Variants in NLK observed in about 807,000 individuals in gnomAD.
The protein encoded by NLK is serine/threonine-protein kinase NLK.
A neutral mutation model predicts 59.0 loss-of-function variants in NLK; 11 were observed. The observed-to-expected ratio is 0.19, with a 90% CI of 0.12 to 0.31. NLK has a LOEUF of 0.31. NLK is among the 10% of genes least tolerant of loss of function. The probability of loss-of-function intolerance (pLI) is 1.00; values close to 1 mark genes in which losing one functional copy is unlikely to be tolerated. For missense variants in NLK, 410 were observed against 661.1 expected, an observed-to-expected ratio of 0.62 and a Z score of 4.16; for synonymous variants, 235 against 235.9, an observed-to-expected ratio of 1.00 and a Z score of 0.03.
chr17:28,131,586 T>TAAAAAAAAAAAAAAAAAAAAAAAA (rs35804817), intron 2 of NLK, among the ~76,000 whole-genome samples: 1 of 83,718 alleles, frequency 1.2e-5, no homozygotes, highest in African/African-American at 4.7e-5. Context: ...TTCTCTGTAG[T>TAAAAAAAAAAAAAAAAAAAAAAAA]AAAAAAAAAA....
rs769959475 is a variant in NLK at position 28,132,614 on chromosome 17, T to C, written c.589-6T>C. ...CTAAATTTGACTTTTTTTTTCCTTT[T>C]CTCAGGTACTCTCTGCCCTTGACAT... On this transcript the variant is annotated splice_polypyrimidine_tract_variant and splice_region_variant and intron_variant, in intron 2 of 10. Transcript: ENST00000407008. 1 of 1,604,750 alleles carries C rather than the reference T, an allele frequency of 6.2e-7. No individual in the cohort carries two copies. The highest frequency in any genetic ancestry group is 8.5e-7 in the Non-Finnish European group (1 of 1,175,014).
the NLK span, among the ~76,000 whole-genome samples, chr17:28,203,638 G>A: frequency 6.6e-6 from 1 of 152,140 alleles, no homozygotes; most frequent in Non-Finnish European, 1.5e-5. Context: ...CTGGGTTCAA[G>A]TGACTCTCCT....
chr17:28,162,593 C>T (rs1341099245), intron 4 of NLK, among the ~76,000 whole-genome samples: 1 of 151,992 alleles, frequency 6.6e-6, no homozygotes, highest in African/African-American at 2.4e-5. Context: ...GCCAAGATCG[C>T]GTCACTGCAC....
At chr17:28,096,570 G>A (rs1174633016) in intron 1 of NLK, among the ~76,000 whole-genome samples, 1 of 152,084 alleles carries the variant, frequency 6.6e-6, no homozygotes, top group Non-Finnish European at 1.5e-5. Flanking sequence ...GAAGATTATG[G>A]GAACTTTAAT....
intron 1 of NLK, among the ~76,000 whole-genome samples, chr17:28,118,948 G>A (rs933455189): frequency 6.6e-6 from 1 of 152,094 alleles, no homozygotes; most frequent in African/African-American, 2.4e-5. Context: ...TCTTATTTAA[G>A]GCATCCAGTG....
chr17:28,085,372 C>G lies in NLK; in HGVS notation c.459-37231C>G, dbSNP rs532008755. Reference sequence around the variant, plus strand: ...TAAACTTAAACAAGCGAAGAAAGTACATACAGTCATGCACTGCATAATGAT... The same window carrying G: ...TAAACTTAAACAAGCGAAGAAAGTAGATACAGTCATGCACTGCATAATGAT... On this transcript the variant is annotated intron_variant, in intron 1 of 10. Coordinates refer to ENST00000407008, the MANE Select transcript of NLK (RefSeq NM_016231.5). Among the ~76,000 whole-genome samples, 7 of 152,300 alleles carry G rather than the reference C, an allele frequency of 4.6e-5. No homozygotes were observed. In the South Asian group the frequency reaches 1.5e-3, roughly 32 times the overall value.
intron 1 of NLK, among the ~76,000 whole-genome samples, chr17:28,103,882 C>G (rs1904985253): frequency 6.6e-6 from 1 of 152,310 alleles, no homozygotes; most frequent in Admixed American, 6.5e-5. Context: ...GTTGTATACA[C>G]TCACTCTATT....
chr17:28,182,901 T>A (rs1417614613), intron 7 of NLK, among the ~76,000 whole-genome samples: 1 of 152,250 alleles, frequency 6.6e-6, no homozygotes, highest in Non-Finnish European at 1.5e-5. Flanking sequence ...TTTTTTAAAC[T>A]CTCTTTTAAG....
At position 28,154,059 on chromosome 17, in the gene NLK, C is replaced by A. The variant is rs375304059; in HGVS notation, c.645-7101C>A. 4.9e-4 allele frequency among the ~76,000 whole-genome samples: 75 copies of A among 152,156 alleles called. 1 individual carries two copies. Among genetic ancestry groups the A allele is most frequent in the African/African-American group, 1.7e-3 (70 of 41,528 alleles). On this transcript the variant is annotated intron_variant, in intron 3 of 10. Transcript: ENST00000407008. ...AAAACACAGTGGATAGAACATAAATCTTTACTACCATTCCTTCCTGTAGTC... is the reference window on the plus strand; with the variant it reads ...AAAACACAGTGGATAGAACATAAATATTTACTACCATTCCTTCCTGTAGTC...
At chr17:28,152,626 T>C (rs1907526065) in intron 3 of NLK, among the ~76,000 whole-genome samples, 1 of 151,992 alleles carries the variant, frequency 6.6e-6, no homozygotes, top group Admixed American at 6.5e-5. Context: ...AAATGCTTTA[T>C]ACTTTTTTTT....
chr17:28,202,300 G>A, the NLK span, among the ~76,000 whole-genome samples: 3 of 152,148 alleles, frequency 2.0e-5, no homozygotes, highest in Admixed American at 1.3e-4. Context: ...GGAGGCTGAG[G>A]TAGGGGAATT....
chr17:28,103,628 G>A (rs988658453), intron 1 of NLK, among the ~76,000 whole-genome samples: 2 of 152,144 alleles, frequency 1.3e-5, no homozygotes, highest in African/African-American at 2.4e-5. Flanking sequence ...TAATGTGTTA[G>A]TGATCAACTT....
At chr17:28,117,958 TAGAA>T (rs898060988) in intron 1 of NLK, among the ~76,000 whole-genome samples, 5 of 152,134 alleles carry the variant, frequency 3.3e-5, no homozygotes, top group African/African-American at 9.7e-5. Flanking sequence ...AAATTGCAGT[TAGAA>T]AGACCAGTGA....
chr17:28,076,856 T>A (rs1313427265), intron 1 of NLK, among the ~76,000 whole-genome samples: 2 of 152,186 alleles, frequency 1.3e-5, no homozygotes, highest in African/African-American at 2.4e-5. Flanking sequence ...ATTGGACTTT[T>A]GTATTACCAT....
intron 1 of NLK, among the ~76,000 whole-genome samples, chr17:28,084,729 A>C (rs1300449024): frequency 6.6e-6 from 1 of 152,026 alleles, no homozygotes; most frequent in Non-Finnish European, 1.5e-5. Context: ...ATGCCCGGCT[A>C]ATTTTTGTAT....
intron 1 of NLK, chr17:28,048,894 A>G (rs978126401): frequency 6.6e-6 from 1 of 152,234 alleles, no homozygotes; most frequent in Middle Eastern, 3.2e-3. Flanking sequence ...CATCCAACCA[A>G]TAAATGGACA....
intron 1 of NLK, among the ~76,000 whole-genome samples, chr17:28,064,308 T>TTTTTATTTTAAATA (rs1909759322): frequency 6.6e-6 from 1 of 151,978 alleles, no homozygotes; most frequent in Non-Finnish European, 1.5e-5. Flanking sequence ...CTGGCTAATT[T>TTTTTATTTTAAATA]TTTTATTTTA....
At chr17:28,138,669 A>G (rs1906860165) in intron 3 of NLK, among the ~76,000 whole-genome samples, 1 of 152,232 alleles carries the variant, frequency 6.6e-6, no homozygotes, top group Non-Finnish European at 1.5e-5. Flanking sequence ...CAATAATGGT[A>G]CTACTAAGGA....
chr17:28,111,894 GTGGTGTGTGTGTGTGT>G (rs1272308857), intron 1 of NLK, among the ~76,000 whole-genome samples: 39 of 102,464 alleles, frequency 3.8e-4, no homozygotes, highest in African/African-American at 1.2e-3. Flanking sequence ...GTGTGTGTGT[GTGGTGTGTGTGTGTGT>G]GTGTGTGTGT....
Sources: gnomAD v4.1 joint callset for allele counts (sites outside exome capture counted in the v4.1 genomes callset) on GRCh38, gnomAD v4.1.1 for gene constraint, MANE v1.5 for transcripts, NCBI Gene and HGNC (gene_info 2026-07-23, HGNC 2026-07-21) for gene names.